The following SYNE1 variants were observed in gnomAD, a reference collection of about 807,000 sequenced individuals.
SYNE1 encodes spectrin repeat containing nuclear envelope protein 1.
SYNE1 carries 616 observed loss-of-function variants against 1,111.0 expected under a neutral mutation model. The observed-to-expected ratio is 0.55, with a 90% confidence interval of 0.52 to 0.59. The LOEUF (loss-of-function observed/expected upper bound fraction) is 0.59, where lower values mean the gene tolerates loss of function less well. SYNE1 is among the 20% of genes least tolerant of loss of function. SYNE1 has a pLI of 0.00. For missense variants in SYNE1, 10,006 were observed against 10,417.0 expected (o/e 0.96, Z 1.72); for synonymous variants, 3,855 against 3,825.8 (o/e 1.01, Z -0.28).
rs1361235845 is a variant in SYNE1, at chr6:152,211,365, A to G, written c.22589+129T>C. On this transcript the variant is annotated intron_variant, in intron 124 of 145. Transcript: ENST00000367255. The stretch of plus-strand genomic sequence containing the variant: ...GAGATTGAGACAAGTTTCTCCTCCA[A>G]TTACTGAGGCCCCACTACAGTTCAA... 30 of 738,560 alleles carry G rather than the reference A, an allele frequency of 4.1e-5. No individual in the cohort carries two copies. In the Admixed American group the frequency reaches 6.6e-4, roughly 16 times the overall value. 45.8% of individuals were successfully genotyped at this position (738,560 alleles called of 1,614,324 possible).
At chr6:152,601,802 A>G (rs2128651900) in intron 3 of SYNE1, among the ~76,000 whole-genome samples, 1 of 152,310 alleles carries the variant, frequency 6.6e-6, no homozygotes, top group East Asian at 1.9e-4. Context: ...ATGAAATGAG[A>G]ACATCTAAAC....
intron 64 of SYNE1, among the ~76,000 whole-genome samples, chr6:152,359,721 C>T (rs933447600): frequency 3.9e-5 from 6 of 151,988 alleles, no homozygotes; most frequent in African/African-American, 1.2e-4. Flanking sequence ...TATTTCTACT[C>T]TTAACATTTC....
intron 85 of SYNE1, among the ~76,000 whole-genome samples, chr6:152,318,497 T>C (rs2095791902): frequency 6.6e-6 from 1 of 152,156 alleles, no homozygotes; most frequent in Admixed American, 6.5e-5. Flanking sequence ...ATTTTCCTTC[T>C]GCCCCACCCA....
Position 152,255,765 on chromosome 6 carries a change from G to A in SYNE1, c.19105-19C>T, listed in dbSNP as rs1334058418. ...CTCCACTCTGGGAAACACAAAACAGGGTCAAATAATCAATTTCAGTGTTTT... is the reference window on the plus strand; with the variant it reads ...CTCCACTCTGGGAAACACAAAACAGAGTCAAATAATCAATTTCAGTGTTTT... On this transcript the variant is annotated intron_variant, in intron 102 of 145. Transcript: ENST00000367255. 6.2e-7 allele frequency: 1 copy of A among 1,613,946 alleles called. No homozygotes were observed. Among genetic ancestry groups the A allele is most frequent in the South Asian group, 1.1e-5 (1 of 91,080 alleles).
intron 42 of SYNE1, among the ~76,000 whole-genome samples, chr6:152,410,601 G>C (rs1434634084): frequency 6.6e-6 from 1 of 152,148 alleles, no homozygotes; most frequent in African/African-American, 2.4e-5. Flanking sequence ...CTGGCTTGGT[G>C]GCGCATGCCT....
intron 78 of SYNE1, among the ~76,000 whole-genome samples, chr6:152,327,112 G>A (rs1383990173): frequency 6.6e-6 from 1 of 152,100 alleles, no homozygotes; most frequent in Non-Finnish European, 1.5e-5. Context: ...GGCTAACATG[G>A]TGAAACCGTG....
rs1034565405 is a variant in SYNE1, at chr6:152,413,094, G to A, written c.6230+258C>T. ...TTGAACTCCTGACCTCAGGTGATTC[G>A]CCTGCCTTGGCCTCCCAAAGTGCTG... On this transcript the variant is annotated intron_variant, in intron 42 of 145. Coordinates refer to ENST00000367255, the MANE Select transcript of SYNE1 (RefSeq NM_182961.4). 4.6e-5 allele frequency among the ~76,000 whole-genome samples: 7 copies of A among 151,992 alleles called. 1 individual carries two copies. The East Asian group carries it at 5.8e-4, about 13-fold the overall frequency.
At chr6:152,262,998 A>G (rs2092236883) in intron 100 of SYNE1, among the ~76,000 whole-genome samples, 1 of 149,906 alleles carries the variant, frequency 6.7e-6, no homozygotes, top group South Asian at 2.1e-4. Flanking sequence ...AGGGTCTGGG[A>G]AGGTAGTACA....
chr6:152,616,774 C>T (rs531446671), intron 3 of SYNE1, among the ~76,000 whole-genome samples: 1 of 152,246 alleles, frequency 6.6e-6, no homozygotes, highest in South Asian at 2.1e-4. Context: ...ACCCTAAAGT[C>T]TTCAGGGTCC....
chr6:152,284,417 C>T (rs1009948230), intron 95 of SYNE1, among the ~76,000 whole-genome samples: 1 of 152,048 alleles, frequency 6.6e-6, no homozygotes, highest in Non-Finnish European at 1.5e-5. Context: ...TTCTAGTTTT[C>T]AATAGGATCA....
At chr6:152,583,374 A>G (rs1582909699) in intron 3 of SYNE1, among the ~76,000 whole-genome samples, 2 of 152,122 alleles carry the variant, frequency 1.3e-5, no homozygotes, top group Non-Finnish European at 2.9e-5. Context: ...TGACATCTCT[A>G]TCATTACTAG....
intron 53 of SYNE1, among the ~76,000 whole-genome samples, chr6:152,389,529 T>C (rs1419872001): frequency 6.6e-6 from 1 of 152,140 alleles, no homozygotes; most frequent in East Asian, 1.9e-4. Flanking sequence ...AGACTGATGG[T>C]CATTTGTCCA....
In SYNE1 at chr6:152,331,771, T is replaced by A. The variant is rs1384034112; in HGVS notation, c.12914A>T (p.His4305Leu). Residue 4305 changes from histidine to leucine, a missense_variant, in exon 78 of 146, where the codon CAT becomes CTT. Physicochemically the swap from His to Leu is moderately conservative, Grantham distance 99. Coordinates refer to ENST00000367255, the MANE Select transcript of SYNE1 (RefSeq NM_182961.4). ...TAACTCCTTGTCATCTAAATTCAGA[T>A]GCTCTATCATTTTCTGCTTTTGATC... is the stretch of plus-strand genomic sequence containing the variant. ...LKDQKQKMIEHLNLDDKELVK... is the reference protein window; with the variant it reads ...LKDQKQKMIELLNLDDKELVK... 13 of 1,614,228 alleles carry A rather than the reference T, an allele frequency of 8.1e-6. No homozygotes were observed. The highest frequency in any genetic ancestry group is 6.7e-5 in the East Asian group (3 of 44,890).
At chr6:152,489,581 A>G (rs2098959385) in intron 11 of SYNE1, among the ~76,000 whole-genome samples, 1 of 151,548 alleles carries the variant, frequency 6.6e-6, no homozygotes, top group African/African-American at 2.4e-5. Context: ...TCTATGTAGC[A>G]TGTCCAGTAC....
At chr6:152,255,822 G>T (rs1046580490) in intron 102 of SYNE1, 76 bp from the exon 103 acceptor site, 2 of 1,515,488 alleles carry the variant, frequency 1.3e-6, no homozygotes, top group African/African-American at 2.7e-5. Context: ...GGATGGGGCC[G>T]GTGCAGTGCT....
At chr6:152,358,240 C>T (rs1035442501) in intron 66 of SYNE1, 133 bp downstream of exon 66, 10 of 1,241,136 alleles carry the variant, frequency 8.1e-6, no homozygotes, top group Non-Finnish European at 1.2e-5. Context: ...TTGATCAAAC[C>T]TTATGGGGAT....
At chr6:152,300,292 C>A (rs2095101307) in intron 93 of SYNE1, among the ~76,000 whole-genome samples, 1 of 152,120 alleles carries the variant, frequency 6.6e-6, no homozygotes, top group African/African-American at 2.4e-5. Context: ...GCCATCGAAT[C>A]ACGTTATTTT....
chr6:152,207,926 G>A, intron 125 of SYNE1, 46 bp downstream of exon 125: 3 of 1,599,246 alleles, frequency 1.9e-6, no homozygotes, highest in Non-Finnish European at 1.7e-6. Context: ...AAAGTGTGCG[G>A]TGGAAATGCC....
chr6:152,327,775 C>T (rs2096118486), intron 78 of SYNE1, among the ~76,000 whole-genome samples: 1 of 152,144 alleles, frequency 6.6e-6, no homozygotes, highest in South Asian at 2.1e-4. Context: ...AGCAAGCTTA[C>T]CTGACAAATG....
Sources: allele counts gnomAD v4.1 joint callset (sites outside exome capture counted in the v4.1 genomes callset), GRCh38; gene constraint gnomAD v4.1.1; transcripts MANE v1.5; gene names NCBI Gene and HGNC (gene_info 2026-07-23, HGNC 2026-07-21).